LGSN: variants seen among roughly 807,000 people sequenced by gnomAD.
The protein encoded by LGSN is lengsin, lens protein with glutamine synthetase domain, also known as lengsin.
LGSN carries 21 observed loss-of-function variants against 19.5 expected under a neutral mutation model. The ratio of observed to expected loss-of-function variants is 1.07; its 90% CI spans 0.76 to 1.55. The LOEUF (loss-of-function observed/expected upper bound fraction) is 1.55, where lower values mean the gene tolerates loss of function less well. LGSN is among the 40% of genes most tolerant of loss of function. The probability of loss-of-function intolerance (pLI) is 0.00; values close to 1 mark genes in which losing one functional copy is unlikely to be tolerated. For synonymous variants in LGSN, 257 were observed against 215.6 expected (o/e 1.19, Z -1.68); for missense variants, 673 against 608.5 (o/e 1.11, Z -1.12).
At chr6:63,346,616 A>G in the LGSN span, among the ~76,000 whole-genome samples, 2 of 152,232 alleles carry the variant, frequency 1.3e-5, no homozygotes, top group Admixed American at 6.5e-5. Flanking sequence ...TAACCTAAGG[A>G]GGGAGTCATG....
At chr6:63,393,252 C>G in the LGSN span, among the ~76,000 whole-genome samples, 1 of 151,770 alleles carries the variant, frequency 6.6e-6, no homozygotes, top group Admixed American at 6.6e-5. Flanking sequence ...ACTGCAACCT[C>G]TATCTCCTGG....
the LGSN span, among the ~76,000 whole-genome samples, chr6:63,340,975 G>A: frequency 6.6e-6 from 1 of 151,994 alleles, no homozygotes; most frequent in Non-Finnish European, 1.5e-5. Context: ...TATAGCATTG[G>A]TTGTGTAGTG....
chr6:63,318,781 A>G (rs529795191), intron 1 of LGSN, among the ~76,000 whole-genome samples: 106 of 152,324 alleles, frequency 7.0e-4, no homozygotes, highest in African/African-American at 2.5e-3. Context: ...AAGAAAGCAG[A>G]GTTCTGCCAT....
the LGSN span, chr6:63,441,311 C>G: frequency 2.1e-6 from 1 of 470,748 alleles, no homozygotes; most frequent in Non-Finnish European, 4.3e-6. Flanking sequence ...CACCAGCAGA[C>G]TTGGGCCGTT....
chr6:63,295,281 C>T (rs1054871435), intron 1 of LGSN, among the ~76,000 whole-genome samples: 1 of 152,134 alleles, frequency 6.6e-6, no homozygotes. Context: ...CAGAAAATAT[C>T]ATTAAGTAAA....
At chr6:63,471,070 A>G in the LGSN span, among the ~76,000 whole-genome samples, 2 of 149,902 alleles carry the variant, frequency 1.3e-5, no homozygotes, top group Admixed American at 1.3e-4. Flanking sequence ...CCTCCCAAGT[A>G]GCTGGGATTA....
the LGSN span, among the ~76,000 whole-genome samples, chr6:63,538,321 G>T: frequency 6.6e-6 from 1 of 152,150 alleles, no homozygotes; most frequent in Non-Finnish European, 1.5e-5. Flanking sequence ...TGTACTGAAA[G>T]TTCAGTGAAC....
At chr6:63,358,507 T>C in the LGSN span, among the ~76,000 whole-genome samples, 1,227 of 152,280 alleles carry the variant, frequency 8.1e-3, 15 homozygotes, top group Middle Eastern at 0.017. Context: ...TTTTATGTCA[T>C]TGAGCAGTGG....
upstream of LGSN, among the ~76,000 whole-genome samples, chr6:63,323,559 T>TACACACACACACAC (rs58400159): frequency 8.3e-5 from 11 of 132,762 alleles, no homozygotes; most frequent in African/African-American, 2.8e-4. Flanking sequence ...AAACCTCATA[T>TACACACACACACAC]ACACACACAC....
chr6:63,432,167 A>AAGAAAGAG, the LGSN span, among the ~76,000 whole-genome samples: 4 of 101,402 alleles, frequency 3.9e-5, no homozygotes, highest in Non-Finnish European at 7.5e-5. Flanking sequence ...GAAAGAAAGA[A>AAGAAAGAG]AGAAAAGGAA....
intron 1 of LGSN, among the ~76,000 whole-genome samples, chr6:63,295,617 A>G (rs1369053470): frequency 6.6e-6 from 1 of 152,236 alleles, no homozygotes; most frequent in African/African-American, 2.4e-5. Flanking sequence ...TAAAACAAAC[A>G]TCATATCCAA....
At chr6:63,300,796 A>G (rs1449921986) in intron 1 of LGSN, among the ~76,000 whole-genome samples, 1 of 152,240 alleles carries the variant, frequency 6.6e-6, no homozygotes, top group African/African-American at 2.4e-5. Context: ...TCTTATTTGT[A>G]TATGATATTG....
chr6:63,450,518 C>T, the LGSN span, among the ~76,000 whole-genome samples: 2 of 150,142 alleles, frequency 1.3e-5, no homozygotes, highest in Admixed American at 1.3e-4. Context: ...GAACTCAAGC[C>T]TGGGCAACAA....
At chr6:63,393,973 T>C in the LGSN span, among the ~76,000 whole-genome samples, 1 of 152,030 alleles carries the variant, frequency 6.6e-6, no homozygotes, top group Non-Finnish European at 1.5e-5. Context: ...GCTTTGCTAA[T>C]AAAACAGGTT....
At chr6:63,569,474 C>A in the LGSN span, among the ~76,000 whole-genome samples, 2 of 152,166 alleles carry the variant, frequency 1.3e-5, no homozygotes, top group African/African-American at 4.8e-5. Context: ...CCAGGCTGGT[C>A]TTGAACTCCT....
At chr6:63,380,113 C>T in the LGSN span, among the ~76,000 whole-genome samples, 1 of 152,208 alleles carries the variant, frequency 6.6e-6, no homozygotes, top group African/African-American at 2.4e-5. Context: ...GCTAGGATTA[C>T]AGGCATGAGC....
the LGSN span, among the ~76,000 whole-genome samples, chr6:63,359,476 GT>G: frequency 6.6e-6 from 1 of 152,048 alleles, no homozygotes; most frequent in Non-Finnish European, 1.5e-5. Context: ...ACTTTTTTTG[GT>G]TGGTAAGCTA....
chr6:63,306,357 A>G lies in LGSN; in HGVS notation c.31-11312T>C, dbSNP rs114803850. Among the ~76,000 whole-genome samples, 764 of 152,320 alleles carry G rather than the reference A, an allele frequency of 5.0e-3. 2 individuals are homozygous for G. The highest frequency in any genetic ancestry group is 0.017 in the African/African-American group (719 of 41,570). On this transcript the variant is annotated intron_variant, in intron 1 of 3. Transcript: ENST00000370657. ...ACTTAAATGGAATTCTGTTTTTATT[A>G]TATAGTGTGATCTGTGTAACTCATA...
the LGSN span, among the ~76,000 whole-genome samples, chr6:63,368,549 T>C: frequency 2.6e-5 from 4 of 152,272 alleles, no homozygotes; most frequent in South Asian, 8.3e-4. Flanking sequence ...TTTTCAGTAA[T>C]TGTTTCCCGG....
Sources: allele counts gnomAD v4.1 joint callset (sites outside exome capture counted in the v4.1 genomes callset), GRCh38; gene constraint gnomAD v4.1.1; transcripts MANE v1.5; gene names NCBI Gene and HGNC (gene_info 2026-07-23, HGNC 2026-07-21).